The following RAD51B variants were observed in gnomAD, a reference collection of about 807,000 sequenced individuals.
RAD51B encodes RAD51 paralog B, also known as DNA repair protein RAD51 homolog 2.
A neutral mutation model predicts 42.2 loss-of-function variants in RAD51B; 38 were observed. The observed-to-expected ratio is 0.90, with a 90% confidence interval of 0.70 to 1.18. The LOEUF (loss-of-function observed/expected upper bound fraction) is 1.18, where lower values mean the gene tolerates loss of function less well. RAD51B is among the 50% of genes most tolerant of loss of function. The pLI is 0.00. For missense variants in RAD51B, 373 were observed against 400.7 expected (o/e 0.93, Z 0.59); for synonymous variants, 154 against 145.2 (o/e 1.06, Z -0.43).
chr14:68,677,050 C>T (rs964459103), intron 11 of RAD51B, among the ~76,000 whole-genome samples: 1 of 152,150 alleles, frequency 6.6e-6, no homozygotes, highest in African/African-American at 2.4e-5. Context: ...TATGCTCCCC[C>T]CTGTCATAGA....
At chr14:68,195,874 C>T (rs2079359282) in intron 7 of RAD51B, among the ~76,000 whole-genome samples, 1 of 142,690 alleles carries the variant, frequency 7.0e-6, no homozygotes, top group Non-Finnish European at 1.5e-5. Flanking sequence ...CACCATTGCA[C>T]TCCAGCCTGG....
chr14:68,371,740 A>G (rs2083270025), intron 8 of RAD51B, among the ~76,000 whole-genome samples: 1 of 152,158 alleles, frequency 6.6e-6, no homozygotes, highest in African/African-American at 2.4e-5. Flanking sequence ...AGTCCCAGCT[A>G]CTTGGGGGGC....
intron 7 of RAD51B, among the ~76,000 whole-genome samples, chr14:68,258,169 A>T (rs1366550903): frequency 1.3e-5 from 2 of 152,176 alleles, no homozygotes; most frequent in Non-Finnish European, 2.9e-5. Flanking sequence ...TGGGAGGCCA[A>T]GGTGGGAGGA....
intron 10 of RAD51B, among the ~76,000 whole-genome samples, chr14:68,535,449 C>T (rs1033378095): frequency 4.1e-5 from 6 of 144,614 alleles, no homozygotes; most frequent in Non-Finnish European, 9.0e-5. Flanking sequence ...TATTCCCATT[C>T]CGACACCTGG....
chr14:68,320,633 C>T (rs993781232), intron 8 of RAD51B, among the ~76,000 whole-genome samples: 5 of 152,256 alleles, frequency 3.3e-5, no homozygotes, highest in Non-Finnish European at 7.3e-5. Context: ...TACTGCCCAA[C>T]ACCCACTTTC....
At chr14:68,493,326 A>T (rs967365137) in intron 10 of RAD51B, among the ~76,000 whole-genome samples, 1 of 152,350 alleles carries the variant, frequency 6.6e-6, no homozygotes, top group Middle Eastern at 3.4e-3. Flanking sequence ...TGATGGATTC[A>T]TCAAGTCTCT....
chr14:67,984,277 A>C (rs774251691), intron 7 of RAD51B, among the ~76,000 whole-genome samples: 1 of 152,160 alleles, frequency 6.6e-6, no homozygotes. Flanking sequence ...CGTTCTTAGA[A>C]GTTATGTCAA....
intron 7 of RAD51B, among the ~76,000 whole-genome samples, chr14:68,024,645 T>TA (rs1323181322): frequency 6.6e-6 from 1 of 152,168 alleles, no homozygotes; most frequent in African/African-American, 2.4e-5. Context: ...GCCTGGATGT[T>TA]ATGGTTGTAT....
intron 7 of RAD51B, among the ~76,000 whole-genome samples, chr14:67,923,258 A>G (rs1014669663): frequency 5.4e-5 from 8 of 146,946 alleles, no homozygotes; most frequent in African/African-American, 7.5e-5. Flanking sequence ...GTGTGTGTGT[A>G]TATATATATA....
intron 8 of RAD51B, among the ~76,000 whole-genome samples, chr14:68,369,925 A>G (rs1377112900): frequency 6.6e-6 from 1 of 152,224 alleles, no homozygotes; most frequent in Admixed American, 6.5e-5. Flanking sequence ...CTCACAGGAT[A>G]TGGAAATGGC....
At chr14:68,290,027 C>T (rs1269350117) in intron 7 of RAD51B, among the ~76,000 whole-genome samples, 1 of 152,180 alleles carries the variant, frequency 6.6e-6, no homozygotes, top group Non-Finnish European at 1.5e-5. Context: ...ACCTTGCCGT[C>T]CCGGTCCCTC....
At chr14:68,080,759 T>A (rs1393747088) in intron 7 of RAD51B, among the ~76,000 whole-genome samples, 1 of 152,228 alleles carries the variant, frequency 6.6e-6, no homozygotes, top group Non-Finnish European at 1.5e-5. Flanking sequence ...ATCCTCAACA[T>A]GTATGTGCCT....
chr14:68,641,252 C>T (rs749440554), intron 10 of RAD51B, among the ~76,000 whole-genome samples: 16 of 152,096 alleles, frequency 1.1e-4, no homozygotes, highest in African/African-American at 3.6e-4. Flanking sequence ...TTTCAAATTC[C>T]AATTGTTCAC....
intron 7 of RAD51B, among the ~76,000 whole-genome samples, chr14:68,123,700 CG>C (rs1383740391): frequency 4.6e-5 from 7 of 152,018 alleles, no homozygotes; most frequent in African/African-American, 1.4e-4. Context: ...CCCAGCTACT[CG>C]GGAGGCTGAG....
At chr14:68,180,493 T>C (rs142269469) in intron 7 of RAD51B, among the ~76,000 whole-genome samples, 2 of 152,316 alleles carry the variant, frequency 1.3e-5, no homozygotes, top group African/African-American at 2.4e-5. Context: ...ATTATCGTCA[T>C]GCTGTTGAGT....
chr14:68,565,613 A>G lies in RAD51B; in HGVS notation c.1037-28872A>G, dbSNP rs1294896794. ...AGAAGTATAGCCAGATTTCAATACC[A>G]GGGAGAGCAGGCAGAGAAAGAGAGC... On this transcript the variant is annotated intron_variant, in intron 10 of 10. Coordinates refer to the RAD51B transcript ENST00000487270. The surrounding 1 kb of genome is among the most constrained non-coding windows in gnomAD (Gnocchi z 4.1). Among the ~76,000 whole-genome samples, 1 of 152,244 alleles carries G rather than the reference A, an allele frequency of 6.6e-6. No individual in the cohort carries two copies. The highest frequency in any genetic ancestry group is 1.5e-5 in the Non-Finnish European group (1 of 68,042).
At chr14:68,450,292 C>T (rs1489778632) in intron 9 of RAD51B, among the ~76,000 whole-genome samples, 1 of 143,132 alleles carries the variant, frequency 7.0e-6, no homozygotes, top group Non-Finnish European at 1.5e-5. Context: ...GATCTCTGCT[C>T]ACTGCAACGT....
chr14:68,555,863 G>C (rs1431976228), intron 10 of RAD51B, among the ~76,000 whole-genome samples: 1 of 152,188 alleles, frequency 6.6e-6, no homozygotes, highest in African/African-American at 2.4e-5. Context: ...GGCTTGTCCT[G>C]TGTACAACTC....
chr14:68,493,104 C>T (rs1248023906), intron 10 of RAD51B, among the ~76,000 whole-genome samples: 10 of 152,088 alleles, frequency 6.6e-5, no homozygotes. Flanking sequence ...GGACTCACTT[C>T]CTCCCTTTGT....
Sources: allele counts gnomAD v4.1 joint callset (sites outside exome capture counted in the v4.1 genomes callset), GRCh38; gene constraint gnomAD v4.1.1; non-coding constraint Gnocchi (gnomAD v3.1); transcripts MANE v1.5; gene names NCBI Gene and HGNC (gene_info 2026-07-23, HGNC 2026-07-21).